Variants in SLC16A2 observed in about 807,000 individuals in gnomAD.
SLC16A2 encodes the protein monocarboxylate transporter 8.
A neutral mutation model predicts 27.2 loss-of-function variants in SLC16A2; 3 were observed. The ratio of observed to expected loss-of-function variants is 0.11; its 90% CI spans 0.05 to 0.28. The LOEUF is 0.28. SLC16A2 is among the 10% of genes least tolerant of loss of function. The probability of loss-of-function intolerance (pLI) is 1.00; values close to 1 mark genes in which losing one functional copy is unlikely to be tolerated. For missense variants in SLC16A2, 295 were observed against 458.5 expected (o/e 0.64, Z 3.26); for synonymous variants, 202 against 187.8 (o/e 1.08, Z -0.62).
chrX:74,471,064 T>C (rs1463735106), intron 1 of SLC16A2, among the ~76,000 whole-genome samples: 1 of 112,945 alleles, frequency 8.9e-6, no homozygotes, highest in Non-Finnish European at 1.9e-5. Flanking sequence ...CTCATTCACT[T>C]GATAGTGTCT....
At chrX:74,478,637 T>C (rs1379556731) in intron 1 of SLC16A2, among the ~76,000 whole-genome samples, 3 of 111,108 alleles carry the variant, frequency 2.7e-5, no homozygotes, top group Non-Finnish European at 3.8e-5. Context: ...TTCCTTTCCA[T>C]GTTGAGTGCT....
At chrX:74,485,171 G>A (rs1929692492) in intron 1 of SLC16A2, among the ~76,000 whole-genome samples, 1 of 99,381 alleles carries the variant, frequency 1.0e-5, no homozygotes, top group Non-Finnish European at 2.0e-5. Flanking sequence ...AGTTGAGATC[G>A]CACCATTGCA....
intron 1 of SLC16A2, among the ~76,000 whole-genome samples, chrX:74,479,627 G>T (rs1162910532): frequency 9.0e-6 from 1 of 111,703 alleles, no homozygotes; most frequent in Non-Finnish European, 1.9e-5. Flanking sequence ...ATCTACCTTT[G>T]GTCTTTGATG....
chrX:74,467,427 C>G (rs757306142), intron 1 of SLC16A2, among the ~76,000 whole-genome samples: 3 of 111,377 alleles, frequency 2.7e-5, no homozygotes, highest in Non-Finnish European at 5.7e-5. Flanking sequence ...GACCAATAAC[C>G]TAGACTTTGT....
Position 74,462,889 on chromosome X carries a change from CA to C in SLC16A2, c.430+40825del, listed in dbSNP as rs920201490. ...TCAGAAACACTGCCCACAGACTCAA[CA>C]AAGGGATCTGGCCTGAGAAGCCCAA... On this transcript the variant is annotated intron_variant, in intron 1 of 5. Transcript: ENST00000587091. Among the ~76,000 whole-genome samples, 5 of 112,050 alleles carry C rather than the reference CA, an allele frequency of 4.5e-5. No individual in the cohort carries two copies. The Admixed American group carries it at 4.7e-4, about 11-fold the overall frequency.
At chrX:74,488,554 G>T (rs1929764584) in intron 1 of SLC16A2, among the ~76,000 whole-genome samples, 1 of 111,667 alleles carries the variant, frequency 9.0e-6, no homozygotes, top group African/African-American at 3.2e-5. Flanking sequence ...CTCATCTCTA[G>T]AAAGACTATT....
intron 1 of SLC16A2, among the ~76,000 whole-genome samples, chrX:74,496,807 A>G (rs1422085647): frequency 8.9e-6 from 1 of 111,955 alleles, no homozygotes; most frequent in African/African-American, 3.3e-5. Flanking sequence ...AAGGAGCTAG[A>G]ATGGGAGGGT....
At chrX:74,427,684 G>A (rs1485527919) in intron 1 of SLC16A2, among the ~76,000 whole-genome samples, 6 of 111,505 alleles carry the variant, frequency 5.4e-5, no homozygotes, top group Non-Finnish European at 1.1e-4. Flanking sequence ...TGTGAATGAC[G>A]GAGTGGGATT....
chrX:74,422,012 C>T lies in SLC16A2; in HGVS notation c.375C>T (p.Tyr125=). The part of the protein sequence containing the change: ...FGIHNSVGIL[Y]SMLLEEEKEK... ...TCCATAACTCTGTCGGGATCCTCTA[C>T]TCCATGCTGCTAGAGGAGGAAAAGG... is the stretch of plus-strand genomic sequence containing the variant. Residue 125 remains tyrosine, a synonymous_variant, in exon 1 of 6, where the codon TAC becomes TAT. Transcript: ENST00000587091. 8.3e-7 allele frequency: 1 copy of T among 1,210,641 alleles called. No individual in the cohort carries two copies.
In SLC16A2 at chrX:74,532,228, G is replaced by C. The variant is rs1440913483; in HGVS notation, c.*675G>C. 1 of 113,797 alleles carries C rather than the reference G, an allele frequency of 8.8e-6. No individual in the cohort carries two copies. Among genetic ancestry groups the C allele is most frequent in the Non-Finnish European group, 1.8e-5 (1 of 54,443 alleles). The allele number at this position is 113,797 out of a possible 1,213,427, so 9.4% of individuals were successfully genotyped here. On this transcript the variant is annotated 3_prime_UTR_variant, in exon 6 of 6. Transcript: ENST00000587091. ...ATAGACACATGGGTGCTTGAAGAAA[G>C]GAGGGACCCGGAACTTGGGCCAATC...
chrX:74,514,639 C>CTGGCAAGG (rs1299559674), intron 1 of SLC16A2, among the ~76,000 whole-genome samples: 1 of 111,825 alleles, frequency 8.9e-6, no homozygotes, highest in East Asian at 2.8e-4. Context: ...TCTCCTACTC[C>CTGGCAAGG]TGGCAAGGTG....
At chrX:74,525,035 C>T (rs770220393) in intron 3 of SLC16A2, among the ~76,000 whole-genome samples, 6 of 111,863 alleles carry the variant, frequency 5.4e-5, no homozygotes, top group Admixed American at 3.8e-4. Context: ...AGCCCATGGA[C>T]CATGGCTTCT....
intron 1 of SLC16A2, among the ~76,000 whole-genome samples, chrX:74,510,081 A>C (rs1930203481): frequency 9.0e-6 from 1 of 111,433 alleles, no homozygotes; most frequent in Non-Finnish European, 1.9e-5. Context: ...CTCTTCCTTA[A>C]ATGTTTGGAA....
intron 1 of SLC16A2, among the ~76,000 whole-genome samples, chrX:74,515,995 A>G (rs1237105893): frequency 8.9e-6 from 1 of 112,673 alleles, no homozygotes; most frequent in Non-Finnish European, 1.9e-5. Flanking sequence ...AAGTAAAATT[A>G]TACATAAATG....
At position 74,506,933 on chromosome X, in the gene SLC16A2, ATTTAT is replaced by A. The variant is rs760102605; in HGVS notation, c.431-14053_431-14049del. On this transcript the variant is annotated intron_variant, in intron 1 of 5. Transcript: ENST00000587091. The stretch of plus-strand genomic sequence containing the variant: ...TATTTATTTATTTATTTATTTATTT[ATTTAT>A]TTTTTTTTTTTTGAGGCAGGGTCTC... 7.3e-3 allele frequency among the ~76,000 whole-genome samples: 220 copies of A among 29,932 alleles called. 2 individuals are homozygous for A. The highest frequency in any genetic ancestry group is 0.019 in the Non-Finnish European group (175 of 9,332). The allele number at this position is 29,932 out of a possible 115,157, so 26.0% of individuals were successfully genotyped here.
At chrX:74,478,246 CT>C (rs1569291737) in intron 1 of SLC16A2, among the ~76,000 whole-genome samples, 13 of 111,545 alleles carry the variant, frequency 1.2e-4, no homozygotes, top group Non-Finnish European at 7.5e-5. Context: ...ATGTAATGGC[CT>C]TCTTTGTCTC....
At chrX:74,471,873 C>T (rs1457286199) in intron 1 of SLC16A2, among the ~76,000 whole-genome samples, 7 of 111,997 alleles carry the variant, frequency 6.3e-5, no homozygotes, top group Non-Finnish European at 1.3e-4. Context: ...ACTCTAGGTA[C>T]ATCAAGTAAA....
chrX:74,520,671 C>A (rs768679331), intron 1 of SLC16A2, among the ~76,000 whole-genome samples: 1 of 111,905 alleles, frequency 8.9e-6, no homozygotes, highest in Non-Finnish European at 1.9e-5. Context: ...CAAGCCTGAC[C>A]TTAGCTCCTG....
chrX:74,521,603 C>T (rs1930408025), intron 2 of SLC16A2, among the ~76,000 whole-genome samples: 1 of 112,274 alleles, frequency 8.9e-6, no homozygotes, highest in South Asian at 3.7e-4. Flanking sequence ...TTGAGCTTCT[C>T]GAGTGAGCCC....
Sources: gnomAD v4.1 joint callset for allele counts (sites outside exome capture counted in the v4.1 genomes callset) on GRCh38, gnomAD v4.1.1 for gene constraint, MANE v1.5 for transcripts, NCBI Gene and HGNC (gene_info 2026-07-23, HGNC 2026-07-21) for gene names.